SLC39A11: variants seen among roughly 807,000 people sequenced by gnomAD.
SLC39A11 encodes the protein zinc transporter ZIP11.
In SLC39A11, 33 loss-of-function variants were observed where a neutral mutation model predicts 36.1. That is an observed-to-expected ratio of 0.91 (90% CI 0.69 to 1.22). The LOEUF (loss-of-function observed/expected upper bound fraction) is 1.22. Ranked by LOEUF, SLC39A11 falls within the 50% of genes most tolerant of loss-of-function variation. The probability of loss-of-function intolerance (pLI) is 0.00; values close to 1 mark genes in which losing one functional copy is unlikely to be tolerated. For missense variants in SLC39A11, 432 were observed against 430.3 expected (o/e 1.00, Z -0.03); for synonymous variants, 166 against 170.3 (o/e 0.97, Z 0.20).
chr17:72,944,035 G>A (rs1464894310), intron 5 of SLC39A11, among the ~76,000 whole-genome samples: 1 of 152,134 alleles, frequency 6.6e-6, no homozygotes, highest in African/African-American at 2.4e-5. Context: ...CCCCATGACA[G>A]GATCCAATCA....
At chr17:73,068,858 C>A (rs549334813) in intron 3 of SLC39A11, among the ~76,000 whole-genome samples, 6 of 152,258 alleles carry the variant, frequency 3.9e-5, no homozygotes, top group African/African-American at 1.2e-4. Context: ...AGTCCATCTG[C>A]TACCAACAGA....
chr17:72,997,285 G>A (rs1458507239), intron 4 of SLC39A11, among the ~76,000 whole-genome samples: 1 of 152,004 alleles, frequency 6.6e-6, no homozygotes, highest in Non-Finnish European at 1.5e-5. Flanking sequence ...ATGGAGTCTC[G>A]CTCTGTCGCC....
intron 5 of SLC39A11, among the ~76,000 whole-genome samples, chr17:72,861,735 G>T (rs1482979076): frequency 3.2e-4 from 16 of 49,524 alleles, no homozygotes; most frequent in East Asian, 1.2e-3. Flanking sequence ...TACACACATT[G>T]GAGATTATAT....
At chr17:72,692,014 AT>A (rs112360074) in intron 7 of SLC39A11, among the ~76,000 whole-genome samples, 1,699 of 144,516 alleles carry the variant, frequency 0.012, 15 homozygotes, top group Middle Eastern at 0.035. Context: ...AAAGTAGTGG[AT>A]TTTTTTTTTT....
At position 72,689,603 on chromosome 17, in the gene SLC39A11, T is replaced by C. The variant is rs80343426; in HGVS notation, c.672-40335A>G. 3.1e-3 allele frequency among the ~76,000 whole-genome samples: 470 copies of C among 152,282 alleles called. 3 individuals carry two copies. The highest frequency in any genetic ancestry group is 0.011 in the African/African-American group (458 of 41,558). On this transcript the variant is annotated intron_variant, in intron 7 of 9. Transcript: ENST00000255559. ...TGGTGGGCATGTAGGAGAATATTAT[T>C]CAGCCGAGAAAGTGAATGAAGTGCT...
chr17:72,833,864 GA>G (rs1344045406), intron 6 of SLC39A11, among the ~76,000 whole-genome samples: 3 of 152,046 alleles, frequency 2.0e-5, no homozygotes, highest in Non-Finnish European at 4.4e-5. Flanking sequence ...CAGGAAATAA[GA>G]AAAAAACTCA....
intron 5 of SLC39A11, among the ~76,000 whole-genome samples, chr17:72,908,708 G>C (rs943356276): frequency 6.6e-6 from 1 of 152,214 alleles, no homozygotes; most frequent in African/African-American, 2.4e-5. Context: ...CCAAATACCA[G>C]AGGGCAAAGG....
chr17:72,988,643 T>TA (rs1436364436), intron 4 of SLC39A11, among the ~76,000 whole-genome samples: 1 of 152,158 alleles, frequency 6.6e-6, no homozygotes, highest in African/African-American at 2.4e-5. Context: ...TCAGTGCCCC[T>TA]AGCCCTTGGC....
intron 7 of SLC39A11, among the ~76,000 whole-genome samples, chr17:72,723,718 C>T (rs1373400678): frequency 1.3e-5 from 2 of 152,132 alleles, no homozygotes; most frequent in South Asian, 2.1e-4. Flanking sequence ...CAGACACAGA[C>T]GAAGCCAGAC....
At chr17:73,074,045 T>C (rs1438123659) in intron 3 of SLC39A11, among the ~76,000 whole-genome samples, 1 of 143,446 alleles carries the variant, frequency 7.0e-6, no homozygotes. Context: ...GGCAGTAAGA[T>C]GGAAAAAAAA....
chr17:72,751,471 G>A (rs112569662), intron 6 of SLC39A11, among the ~76,000 whole-genome samples: 4,014 of 152,182 alleles, frequency 0.026, 179 homozygotes, highest in African/African-American at 0.089. Flanking sequence ...GTGATAAAAT[G>A]TGAATGAATA....
At chr17:72,870,487 G>A (rs2080553211) in intron 5 of SLC39A11, among the ~76,000 whole-genome samples, 1 of 152,202 alleles carries the variant, frequency 6.6e-6, no homozygotes, top group Admixed American at 6.5e-5. Flanking sequence ...GTGTTCATTT[G>A]CAAAGCATCT....
intron 1 of SLC39A11, 72 bp from the exon 2 acceptor site, chr17:73,088,847 C>T: frequency 8.9e-7 from 1 of 1,121,442 alleles, no homozygotes; most frequent in Non-Finnish European, 1.3e-6. Context: ...CTGACGGGTC[C>T]TAACACCCTG....
intron 3 of SLC39A11, among the ~76,000 whole-genome samples, chr17:73,047,987 AAAAAT>A (rs1180987969): frequency 2.0e-5 from 1 of 50,344 alleles, no homozygotes; most frequent in Non-Finnish European, 4.2e-5. Flanking sequence ...AAAAAAAAAA[AAAAAT>A]ATATATATAT....
chr17:73,091,873 T>G (rs1355067268), intron 1 of SLC39A11: 1 of 152,268 alleles, frequency 6.6e-6, no homozygotes, highest in Non-Finnish European at 1.5e-5. Flanking sequence ...CAGGTTTGTT[T>G]TCTTTATTTC....
chr17:72,764,263 G>C (rs766747809), intron 6 of SLC39A11, among the ~76,000 whole-genome samples: 1 of 152,142 alleles, frequency 6.6e-6, no homozygotes, highest in African/African-American at 2.4e-5. Flanking sequence ...GAGACAGCCT[G>C]GGGGCTCAGG....
At position 72,775,536 on chromosome 17, in the gene SLC39A11, A is replaced by G. The variant is rs112212324; in HGVS notation, c.602-38817T>C. Among the ~76,000 whole-genome samples the G allele has an allele frequency of 9.2e-3, 1,400 of 152,304 alleles. 27 individuals carry two copies. The highest frequency in any genetic ancestry group is 0.032 in the African/African-American group (1,348 of 41,556). On this transcript the variant is annotated intron_variant, in intron 6 of 9. Transcript: ENST00000255559. ...TAACAAATGGTGCAACTCAGTGAGA[A>G]GATCTACATGCTCTCCTAAAGGACT...
At chr17:72,979,016 C>T (rs2088082788) in intron 4 of SLC39A11, among the ~76,000 whole-genome samples, 3 of 152,100 alleles carry the variant, frequency 2.0e-5, no homozygotes. Context: ...GTGTCTCCAC[C>T]CAAATCTCAT....
At chr17:72,980,375 TA>T (rs1272072836) in intron 4 of SLC39A11, among the ~76,000 whole-genome samples, 1 of 152,152 alleles carries the variant, frequency 6.6e-6, no homozygotes, top group Non-Finnish European at 1.5e-5. Context: ...GAAGAAAACT[TA>T]AAATGCTACT....
Sources: allele counts gnomAD v4.1 joint callset (sites outside exome capture counted in the v4.1 genomes callset), GRCh38; gene constraint gnomAD v4.1.1; transcripts MANE v1.5; gene names NCBI Gene and HGNC (gene_info 2026-07-23, HGNC 2026-07-21).